The following FGD3 variants were observed in gnomAD, a reference collection of about 807,000 sequenced individuals.
FGD3 encodes the protein FYVE, RhoGEF and PH domain containing 3, also known as FYVE, RhoGEF and PH domain-containing protein 3.
A neutral mutation model predicts 71.8 loss-of-function variants in FGD3; 45 were observed. That is an observed-to-expected ratio of 0.63 (90% CI 0.49 to 0.80). The LOEUF (loss-of-function observed/expected upper bound fraction) is 0.80, where lower values mean the gene tolerates loss of function less well. Ranked by LOEUF, FGD3 falls within the 30% of genes least tolerant of loss-of-function variation. FGD3 has a pLI of 0.00. For missense variants in FGD3, 844 were observed against 951.5 expected (o/e 0.89, Z 1.49); for synonymous variants, 378 against 392.8 (o/e 0.96, Z 0.44).
intron 9 of FGD3, among the ~76,000 whole-genome samples, chr9:93,014,829 A>G (rs1861601785): frequency 6.6e-6 from 1 of 151,806 alleles, no homozygotes; most frequent in African/African-American, 2.4e-5. Flanking sequence ...TTTAGTAGAG[A>G]TGGGGTTTCA....
Position 93,004,099 on chromosome 9 carries a change from C to G in FGD3, c.642C>G (p.Phe214Leu). 6.2e-7 allele frequency: 1 copy of G among 1,614,176 alleles called. No homozygotes were observed. Among genetic ancestry groups the G allele is most frequent in the Non-Finnish European group, 8.5e-7 (1 of 1,180,050 alleles). The change falls in exon 5 of 18, where the codon TTC (phenylalanine) becomes TTG (leucine). Residue 214 changes from phenylalanine (F) to leucine (L), a missense_variant. Physicochemically the swap from Phe to Leu is conservative, Grantham distance 22 (BLOSUM62 0). Transcript: ENST00000375482. ...CCATCCACCGCTTCCACGGGCAGTT[C>G]CTGCTGCCGGAGCTGAAGACGCGGA... ...ISSIHRFHGQ[F>L]LLPELKTRIT...
chr9:93,034,748 A>T, intron 17 of FGD3, 67 bp downstream of exon 17: 1 of 1,516,274 alleles, frequency 6.6e-7, no homozygotes, highest in East Asian at 2.4e-5. Flanking sequence ...AGGCACCCAC[A>T]GCAGGCCTGT....
chr9:93,011,430 G>A (rs993192680), intron 8 of FGD3, among the ~76,000 whole-genome samples, 158 bp downstream of exon 8: 1 of 152,206 alleles, frequency 6.6e-6, no homozygotes, highest in Non-Finnish European at 1.5e-5. Flanking sequence ...GGGTCAGCTG[G>A]ACAGCCCCGC....
chr9:93,035,317 C>A, intron 17 of FGD3, 21 bp from the exon 18 acceptor site: 1 of 1,601,922 alleles, frequency 6.2e-7, no homozygotes, highest in Non-Finnish European at 8.5e-7. Context: ...GCCCCGCTGA[C>A]CATCTGCTCC....
At chr9:92,997,650 C>T (rs1471827188) in intron 3 of FGD3, among the ~76,000 whole-genome samples, 2 of 152,108 alleles carry the variant, frequency 1.3e-5, no homozygotes, top group Admixed American at 6.6e-5. Flanking sequence ...CCTTCAGGAC[C>T]TCTTGTAAGG....
chr9:92,993,524 G>T (rs1418922105), intron 3 of FGD3, among the ~76,000 whole-genome samples: 1 of 152,038 alleles, frequency 6.6e-6, no homozygotes, highest in African/African-American at 2.4e-5. Context: ...GTGCAGGTTT[G>T]TTACATATGT....
intron 1 of FGD3, among the ~76,000 whole-genome samples, chr9:92,970,201 G>A (rs188878313): frequency 1.2e-3 from 183 of 152,320 alleles, no homozygotes; most frequent in Admixed American, 2.1e-3. Context: ...GAGCCTCGGC[G>A]TCCTCATATG....
chr9:93,032,666 C>T, intron 15 of FGD3, 103 bp from the exon 16 acceptor site: 1 of 553,914 alleles, frequency 1.8e-6, no homozygotes. Flanking sequence ...GTTAAGTCTC[C>T]TCCCGCCCAC....
chr9:93,018,320 A>T, intron 11 of FGD3, 105 bp downstream of exon 11: 2 of 1,081,954 alleles, frequency 1.8e-6, no homozygotes, highest in Non-Finnish European at 1.4e-6. Context: ...CTTAAAATTT[A>T]AAAGTACTGT....
In FGD3 at chr9:93,002,976, G is replaced by A. The variant is rs779311657; in HGVS notation, c.505G>A (p.Glu169Lys). 7.4e-6 allele frequency: 12 copies of A among 1,614,130 alleles called. No homozygotes were observed. Among genetic ancestry groups the A allele is most frequent in the Admixed American group, 3.3e-5 (2 of 60,012 alleles). Reference protein sequence around the residue: ...LHIAQELLHTEETYVKRLHLL... With the variant: ...LHIAQELLHTKETYVKRLHLL... ...CATTGCCCAGGAGCTCCTGCACACCGAGGAGACCTATGTGAAGCGGCTGCA... is the reference window on the plus strand; with the variant it reads ...CATTGCCCAGGAGCTCCTGCACACCAAGGAGACCTATGTGAAGCGGCTGCA... Residue 169 changes from glutamate to lysine, a missense_variant, in exon 4 of 18, where the codon GAG (glutamate) becomes AAG (lysine). Physicochemically the swap from Glu to Lys is moderately conservative, Grantham distance 56. Coordinates refer to ENST00000375482, the MANE Select transcript of FGD3 (RefSeq NM_001083536.2).
At chr9:92,992,030 ATG>A (rs1342479515) in intron 3 of FGD3, among the ~76,000 whole-genome samples, 6 of 152,006 alleles carry the variant, frequency 3.9e-5, no homozygotes, top group African/African-American at 1.5e-4. Flanking sequence ...CTTTCAGTTT[ATG>A]TGTGTCTTTA....
intron 15 of FGD3, 61 bp from the exon 16 acceptor site, chr9:93,032,708 A>G (rs2118843709): frequency 6.6e-7 from 1 of 1,524,004 alleles, no homozygotes; most frequent in Non-Finnish European, 9.1e-7. Flanking sequence ...CTCCTCTGGC[A>G]TCTTCCTGGA....
chr9:93,011,193 AAC>A lies in FGD3; in HGVS notation c.977-17_977-16del, dbSNP rs762776617. ...ACGGAGCCACCGTGGCCCCAGGCTGAACACAGTCTTCTTCCTGCAGGGTCCTT... is the reference window on the plus strand; with the variant it reads ...ACGGAGCCACCGTGGCCCCAGGCTGAACAGTCTTCTTCCTGCAGGGTCCTT... On this transcript the variant is annotated intron_variant, in intron 7 of 17. Coordinates refer to ENST00000375482, the MANE Select transcript of FGD3 (RefSeq NM_001083536.2). The A allele has an allele frequency of 1.3e-5, 21 of 1,613,894 alleles. No homozygotes were observed. The Admixed American group carries it at 1.5e-4, about 12-fold the overall frequency.
At position 92,977,274 on chromosome 9, in the gene FGD3, T is replaced by C. The variant is rs141494408; in HGVS notation, c.453+565T>C. On this transcript the variant is annotated intron_variant, in intron 3 of 17. Transcript: ENST00000375482. Reference sequence around the variant, plus strand: ...GACAGTTCCCACAACACGATGGGGCTGCATGGAGGGAGTTTGTTTGCGTTC... The same window carrying C: ...GACAGTTCCCACAACACGATGGGGCCGCATGGAGGGAGTTTGTTTGCGTTC... 3.4e-3 allele frequency among the ~76,000 whole-genome samples: 523 copies of C among 152,224 alleles called. 4 individuals carry two copies. Among genetic ancestry groups the C allele is most frequent in the African/African-American group, 0.012 (503 of 41,548 alleles).
At chr9:92,970,479 G>A (rs1306981846) in intron 1 of FGD3, among the ~76,000 whole-genome samples, 4 of 152,210 alleles carry the variant, frequency 2.6e-5, no homozygotes. Flanking sequence ...AATCAGGAGA[G>A]GGGGTGGTGA....
Position 93,003,620 on chromosome 9 carries a change from G to A in FGD3, c.544-381G>A, listed in dbSNP as rs1261698057. On this transcript the variant is annotated intron_variant, in intron 4 of 17. Transcript: ENST00000375482. The surrounding 1 kb of genome is among the most constrained non-coding windows in gnomAD (Gnocchi z 4.1). ...CCACATGACAACGTGGGGTTTATGA[G>A]CACAGGAAATAAAGCACCCATGGAA... 6.6e-6 allele frequency among the ~76,000 whole-genome samples: 1 copy of A among 152,178 alleles called. No homozygotes were observed. The highest frequency in any genetic ancestry group is 1.5e-5 in the Non-Finnish European group (1 of 68,032).
chr9:93,030,454 C>T (rs975882944), intron 15 of FGD3, among the ~76,000 whole-genome samples: 1 of 152,240 alleles, frequency 6.6e-6, no homozygotes, highest in Non-Finnish European at 1.5e-5. Flanking sequence ...CCCAGCTGCA[C>T]ACCATCTCCA....
At chr9:93,013,587 C>T (rs1861530730) in intron 8 of FGD3, among the ~76,000 whole-genome samples, 1 of 152,204 alleles carries the variant, frequency 6.6e-6, no homozygotes. Flanking sequence ...TGAGTTAAAA[C>T]ATGTATCATG....
At position 93,004,022 on chromosome 9, in the gene FGD3, G is replaced by T; in HGVS notation, c.565G>T (p.Asp189Tyr). 2 of 1,614,172 alleles carry T rather than the reference G, an allele frequency of 1.2e-6. No homozygotes were observed. The change falls in exon 5 of 18, where the codon GAT becomes TAT. Residue 189 changes from aspartate to tyrosine, a missense_variant. By Grantham distance (160) the Asp-to-Tyr change is radical (BLOSUM62 -3). Transcript: ENST00000375482. ...LDQVFCTRLT[D>Y]AGIPPEVIMG... is the part of the protein sequence containing the mutation. Reference sequence around the variant, plus strand: ...TCAGGTTTTCTGCACCAGGCTGACGGATGCGGGGATCCCTCCAGAAGTCAT... The same window carrying T: ...TCAGGTTTTCTGCACCAGGCTGACGTATGCGGGGATCCCTCCAGAAGTCAT...
Sources: allele counts gnomAD v4.1 joint callset (sites outside exome capture counted in the v4.1 genomes callset), GRCh38; gene constraint gnomAD v4.1.1; non-coding constraint Gnocchi (gnomAD v3.1); transcripts MANE v1.5; gene names NCBI Gene and HGNC (gene_info 2026-07-23, HGNC 2026-07-21).